The following CASP4 variants were observed in gnomAD, a reference collection of about 807,000 sequenced individuals.
The protein encoded by CASP4 is caspase 4, also known as caspase-4.
CASP4 carries 29 observed loss-of-function variants against 41.3 expected under a neutral mutation model. That is an observed-to-expected ratio of 0.70 (90% confidence interval 0.52 to 0.96). The LOEUF is 0.96. Among genes scored for constraint, CASP4 ranks in the 40% least tolerant of loss-of-function variants. The probability of loss-of-function intolerance (pLI) is 0.00; values close to 1 mark genes in which losing one functional copy is unlikely to be tolerated. For synonymous variants in CASP4, 185 were observed against 158.4 expected (o/e 1.17, Z -1.26); for missense variants, 447 against 460.6 (o/e 0.97, Z 0.27).
At position 104,944,848 on chromosome 11, in the gene CASP4, G is replaced by C; in HGVS notation, c.1039C>G (p.Gln347Glu). 1 of 1,607,652 alleles carries C rather than the reference G, an allele frequency of 6.2e-7. No homozygotes were observed. The highest frequency in any genetic ancestry group is 2.2e-5 in the East Asian group (1 of 44,810). ...CHLEEVFRKV[Q>E]QSFETPRAKA... ...GCCCTTGGAGTTTCAAATGATTGCT[G>C]TACCTGAAAAAGAAAATAGGCTGTA... The change falls in exon 8 of 9, where the codon CAG becomes GAG. Residue 347 changes from glutamine (Q) to glutamate (E), a missense_variant. Coordinates refer to ENST00000444739, the MANE Select transcript of CASP4 (RefSeq NM_001225.4).
At position 104,951,406 on chromosome 11, in the gene CASP4, C is replaced by T. The variant is rs539754429; in HGVS notation, c.373-308G>A. 1.5e-5 allele frequency: 4 copies of T among 261,148 alleles called. No homozygotes were observed. The East Asian group carries it at 2.4e-4, about 16-fold the overall frequency. 16.2% of individuals were successfully genotyped at this position (261,148 alleles called of 1,614,324 possible). ...AATTTCATACAAAACGAGATGTTGT[C>T]GTTGACTCCAGTGAAAAATGAATAC... On this transcript the variant is annotated intron_variant, in intron 3 of 8. Transcript: ENST00000444739.
intron 1 of CASP4, among the ~76,000 whole-genome samples, chr11:104,956,407 A>G (rs1270686061): frequency 6.6e-6 from 1 of 152,106 alleles, no homozygotes; most frequent in Non-Finnish European, 1.5e-5. Context: ...TGCCAAGTGC[A>G]TTACTGAAAT....
chr11:104,958,063 A>G (rs2134650660), intron 1 of CASP4, among the ~76,000 whole-genome samples: 1 of 152,304 alleles, frequency 6.6e-6, no homozygotes, highest in South Asian at 2.1e-4. Flanking sequence ...TCTTCAATAA[A>G]TGATATTGGG....
chr11:104,965,664 C>T (rs1860957420), intron 1 of CASP4, among the ~76,000 whole-genome samples: 1 of 152,168 alleles, frequency 6.6e-6, no homozygotes, highest in South Asian at 2.1e-4. Context: ...AAACCGGTAA[C>T]AGCCTTTTCT....
At chr11:104,951,367 C>T (rs1329745804) in intron 3 of CASP4, 2 of 305,354 alleles carry the variant, frequency 6.5e-6, no homozygotes, top group East Asian at 1.2e-4. Flanking sequence ...TCTTAGCATT[C>T]AAAGTTCAGG....
At chr11:104,964,544 A>G (rs934681609) in intron 1 of CASP4, among the ~76,000 whole-genome samples, 1 of 152,242 alleles carries the variant, frequency 6.6e-6, no homozygotes, top group African/African-American at 2.4e-5. Flanking sequence ...TTTCTTTTGT[A>G]ACATGACACA....
intron 7 of CASP4, among the ~76,000 whole-genome samples, chr11:104,946,240 T>C (rs932401584): frequency 2.0e-5 from 3 of 152,232 alleles, no homozygotes; most frequent in Non-Finnish European, 2.9e-5. Context: ...TTAATAATTA[T>C]ACTATTCTGT....
intron 1 of CASP4, among the ~76,000 whole-genome samples, chr11:104,957,843 G>C (rs1000882505): frequency 6.6e-6 from 1 of 151,958 alleles, no homozygotes; most frequent in African/African-American, 2.4e-5. Flanking sequence ...GCAATTTTGA[G>C]TAAAGGGAAC....
At position 104,947,002 on chromosome 11, in the gene CASP4, A is replaced by G. The variant is rs559486667; in HGVS notation, c.1035+81T>C. The G allele has an allele frequency of 7.2e-6, 7 of 976,870 alleles. No individual in the cohort carries two copies. In the South Asian group the frequency reaches 9.9e-5, roughly 14 times the overall value. 60.5% of individuals were successfully genotyped at this position (976,870 alleles called of 1,614,324 possible). ...CTCTACTTTCACTTCCCTGACAAAA[A>G]TTGTCATTGTGAAGTAAAAAGTGAA... On this transcript the variant is annotated intron_variant, in intron 7 of 8. Coordinates refer to ENST00000444739, the MANE Select transcript of CASP4 (RefSeq NM_001225.4).
chr11:104,961,491 T>C (rs1348143102), intron 1 of CASP4, among the ~76,000 whole-genome samples: 1 of 152,042 alleles, frequency 6.6e-6, no homozygotes, highest in Non-Finnish European at 1.5e-5. Context: ...TGATGGGGTG[T>C]CTGTAGCCCC....
chr11:104,945,322 G>C (rs975389075), intron 7 of CASP4, among the ~76,000 whole-genome samples: 1 of 149,556 alleles, frequency 6.7e-6, no homozygotes, highest in Non-Finnish European at 1.5e-5. Context: ...GTGCAACCTC[G>C]GCTCACTGCA....
intron 7 of CASP4, among the ~76,000 whole-genome samples, chr11:104,946,440 A>G (rs1860461000): frequency 6.6e-6 from 1 of 152,192 alleles, no homozygotes; most frequent in Non-Finnish European, 1.5e-5. Context: ...CAGACACATA[A>G]ATAAACTATT....
intron 1 of CASP4, among the ~76,000 whole-genome samples, chr11:104,960,860 G>T (rs551728129): frequency 2.3e-4 from 35 of 152,222 alleles, no homozygotes; most frequent in Admixed American, 4.6e-4. Context: ...GAGGACAGGG[G>T]CCATGAACTA....
chr11:104,944,823 G>C lies in CASP4; in HGVS notation c.1064C>G (p.Ala355Gly), dbSNP rs768689854. ...KVQQSFETPR[A>G]KAQMPTIERL... ...TTCTATGGTGGGCATTTGAGCTTTG[G>C]CCCTTGGAGTTTCAAATGATTGCTG... The change falls in exon 8 of 9, where the codon GCC becomes GGC. Residue 355 changes from alanine to glycine, a missense_variant. Coordinates refer to ENST00000444739, the MANE Select transcript of CASP4 (RefSeq NM_001225.4). 6 of 1,613,320 alleles carry C rather than the reference G, an allele frequency of 3.7e-6. No individual in the cohort carries two copies. Among genetic ancestry groups the C allele is most frequent in the Non-Finnish European group, 5.1e-6 (6 of 1,179,398 alleles).
In CASP4 at chr11:104,951,084, C is replaced by T; in HGVS notation, c.387G>A (p.Lys129=). 1 of 1,612,802 alleles carries T rather than the reference C, an allele frequency of 6.2e-7. No individual in the cohort carries two copies. The highest frequency in any genetic ancestry group is 1.1e-5 in the South Asian group (1 of 91,004). Residue 129 remains lysine, a synonymous_variant, in exon 4 of 9, where the codon AAG becomes AAA. Transcript: ENST00000444739. The part of the protein sequence containing the change: ...KERAEEIYPI[K]ERNNRTRLAL... ...CCAGGCGTGTGCGGTTGTTTCTCTCCTTTATTGGATAGATCTGCAGGATAT... is the reference window on the plus strand; with the variant it reads ...CCAGGCGTGTGCGGTTGTTTCTCTCTTTTATTGGATAGATCTGCAGGATAT...
chr11:104,954,811 A>G lies in CASP4; in HGVS notation c.198T>C (p.Arg66=), dbSNP rs1260480052. The change falls in exon 2 of 9, where the codon CGT becomes CGC. Residue 66 remains arginine, a synonymous_variant. Coordinates refer to ENST00000444739, the MANE Select transcript of CASP4 (RefSeq NM_001225.4). ...VMADSMQEKQ[R]MAGQMLLQTF... Reference sequence around the variant, plus strand: ...TTTGAAGAAGCATTTGTCCTGCCATACGTTGCTTCTCTTGCATAGAGTCTG... The same window carrying G: ...TTTGAAGAAGCATTTGTCCTGCCATGCGTTGCTTCTCTTGCATAGAGTCTG... The G allele has an allele frequency of 6.2e-7, 1 of 1,613,688 alleles. No individual in the cohort carries two copies. The highest frequency in any genetic ancestry group is 1.1e-5 in the South Asian group (1 of 91,078).
In CASP4 at chr11:104,951,999, G is replaced by A. The variant is rs370992892; in HGVS notation, c.269C>T (p.Pro90Leu). 93 of 1,599,054 alleles carry A rather than the reference G, an allele frequency of 5.8e-5. No individual in the cohort carries two copies. The highest frequency in any genetic ancestry group is 2.8e-4 in the African/African-American group (21 of 74,538). Residue 90 changes from proline to leucine, a missense_variant, in exon 3 of 9, where the codon CCG becomes CTG. Physicochemically the swap from Pro to Leu is moderately conservative, Grantham distance 98. Coordinates refer to ENST00000444739, the MANE Select transcript of CASP4 (RefSeq NM_001225.4). ...DQISPNKKAH[P>L]NMEAGPPESG... ...CTCAGGTGGTCCAGCCTCCATATTC[G>A]GATGAGCTGCAGGATATTGCAGAAC...
intron 1 of CASP4, among the ~76,000 whole-genome samples, chr11:104,956,384 T>G (rs945123196): frequency 6.6e-6 from 1 of 152,140 alleles, no homozygotes; most frequent in Admixed American, 6.6e-5. Context: ...TAATATTCAT[T>G]GAGCCCTCAT....
chr11:104,944,828 T>A lies in CASP4; in HGVS notation c.1059A>T (p.Pro353=). The A allele has an allele frequency of 6.2e-7, 1 of 1,613,096 alleles. No individual in the cohort carries two copies. Among genetic ancestry groups the A allele is most frequent in the East Asian group, 2.2e-5 (1 of 44,864 alleles). Residue 353 remains proline, a synonymous_variant, in exon 8 of 9, where the codon CCA becomes CCT. Transcript: ENST00000444739. ...TGGTGGGCATTTGAGCTTTGGCCCT[T>A]GGAGTTTCAAATGATTGCTGTACCT... ...FRKVQQSFET[P]RAKAQMPTIE...
Sources: gnomAD v4.1 joint callset for allele counts (sites outside exome capture counted in the v4.1 genomes callset) on GRCh38, gnomAD v4.1.1 for gene constraint, MANE v1.5 for transcripts, NCBI Gene and HGNC (gene_info 2026-07-23, HGNC 2026-07-21) for gene names.